The following VWA8 variants were observed in gnomAD, a reference collection of about 807,000 sequenced individuals.
The protein encoded by VWA8 is von Willebrand factor A domain-containing protein 8.
A neutral mutation model predicts 241.5 loss-of-function variants in VWA8; 221 were observed. That is an observed-to-expected ratio of 0.91 (90% CI 0.82 to 1.02). The LOEUF (loss-of-function observed/expected upper bound fraction) is 1.02. Among genes scored for constraint, VWA8 ranks in the 50% least tolerant of loss-of-function variants. VWA8 has a pLI of 0.00. For synonymous variants in VWA8, 852 were observed against 827.1 expected (o/e 1.03, Z -0.52); for missense variants, 2,322 against 2,328.7 (o/e 1.00, Z 0.06).
chr13:41,954,169 C>G (rs1440089074), intron 1 of VWA8, among the ~76,000 whole-genome samples: 1 of 152,030 alleles, frequency 6.6e-6, no homozygotes, highest in African/African-American at 2.4e-5. Context: ...TGTCCCAACT[C>G]TGACCTCTAT....
intron 12 of VWA8, among the ~76,000 whole-genome samples, chr13:41,863,002 C>T (rs148979441): frequency 0.044 from 6,670 of 152,194 alleles, 220 homozygotes; most frequent in Non-Finnish European, 0.06. Context: ...TGAGTGTCAA[C>T]TTGATTAGAT....
chr13:41,883,539 C>G (rs775093317), intron 8 of VWA8, 48 bp from the exon 9 acceptor site: 1 of 1,370,340 alleles, frequency 7.3e-7, no homozygotes, highest in African/African-American at 1.4e-5. Context: ...TCAAAATAAT[C>G]ACAGAAAACA....
chr13:41,673,607 T>C (rs1421017647), intron 36 of VWA8, among the ~76,000 whole-genome samples: 1 of 152,210 alleles, frequency 6.6e-6, no homozygotes, highest in Non-Finnish European at 1.5e-5. Context: ...TGTAAAATAT[T>C]TCATTAAAAA....
At chr13:41,765,077 G>T (rs539880735) in intron 20 of VWA8, among the ~76,000 whole-genome samples, 1 of 152,062 alleles carries the variant, frequency 6.6e-6, no homozygotes, top group South Asian at 2.1e-4. Context: ...ATGAGGGCCT[G>T]GAGTTAAGGA....
At chr13:41,911,209 G>A (rs191987125) in intron 3 of VWA8, among the ~76,000 whole-genome samples, 19 of 151,918 alleles carry the variant, frequency 1.3e-4, no homozygotes, top group African/African-American at 3.6e-4. Flanking sequence ...GATCACAGGC[G>A]CCTAGCACCA....
At chr13:41,715,121 T>C (rs1042424744) in intron 26 of VWA8, among the ~76,000 whole-genome samples, 5 of 151,912 alleles carry the variant, frequency 3.3e-5, no homozygotes. Context: ...TAATATTATA[T>C]ATATGCCATA....
intron 41 of VWA8, among the ~76,000 whole-genome samples, chr13:41,589,686 T>C (rs2044442085): frequency 6.6e-6 from 1 of 152,200 alleles, no homozygotes; most frequent in Non-Finnish European, 1.5e-5. Context: ...GGCCCTTCCC[T>C]GAGTTTTCAT....
chr13:41,807,992 C>T (rs1870292719), intron 17 of VWA8: 2 of 152,036 alleles, frequency 1.3e-5, no homozygotes, highest in Admixed American at 1.3e-4. Flanking sequence ...GATACATAGA[C>T]TGAAAATAAA....
chr13:41,679,440 C>A (rs1364273974), intron 35 of VWA8, among the ~76,000 whole-genome samples: 1 of 152,160 alleles, frequency 6.6e-6, no homozygotes, highest in East Asian at 1.9e-4. Context: ...GTGATGTGTG[C>A]CCCCAAACTG....
At chr13:41,605,109 T>C in intron 40 of VWA8, 59 bp downstream of exon 40, 1 of 1,539,092 alleles carries the variant, frequency 6.5e-7, no homozygotes, top group Non-Finnish European at 8.9e-7. Flanking sequence ...TCCAAGACTT[T>C]AGGAATGTGT....
chr13:41,916,358 G>T (rs1464649750), intron 2 of VWA8, among the ~76,000 whole-genome samples: 1 of 152,164 alleles, frequency 6.6e-6, no homozygotes, highest in Non-Finnish European at 1.5e-5. Flanking sequence ...CCCTCCAAAA[G>T]CTTTTCAACA....
chr13:41,739,865 T>TG (rs1214141776), intron 21 of VWA8, among the ~76,000 whole-genome samples: 1 of 132,706 alleles, frequency 7.5e-6, no homozygotes, highest in African/African-American at 2.9e-5. Context: ...TTGTTTTTTT[T>TG]TTTTTTTGAG....
At chr13:41,798,139 C>A (rs1156365169) in intron 17 of VWA8, among the ~76,000 whole-genome samples, 1 of 152,142 alleles carries the variant, frequency 6.6e-6, no homozygotes, top group Non-Finnish European at 1.5e-5. Context: ...CCTAAGAATG[C>A]ATTAATCTCT....
intron 19 of VWA8, among the ~76,000 whole-genome samples, 154 bp downstream of exon 19, chr13:41,783,641 A>G (rs1869001164): frequency 7.6e-6 from 1 of 131,296 alleles, no homozygotes; most frequent in African/African-American, 3.0e-5. Context: ...GCATCACAGA[A>G]AAAAAAAAAA....
At chr13:41,769,940 T>G (rs925634216) in intron 20 of VWA8, among the ~76,000 whole-genome samples, 3 of 152,148 alleles carry the variant, frequency 2.0e-5, no homozygotes, top group Admixed American at 6.5e-5. Context: ...AAAAGACGAT[T>G]GAATCAACAT....
chr13:41,636,535 A>G (rs2044757871), intron 37 of VWA8, among the ~76,000 whole-genome samples: 1 of 152,256 alleles, frequency 6.6e-6, no homozygotes. Context: ...TTCATGTCTA[A>G]AACACCAAAA....
At chr13:41,881,275 C>CCCT (rs1321295034) in intron 9 of VWA8, among the ~76,000 whole-genome samples, 2 of 147,296 alleles carry the variant, frequency 1.4e-5, no homozygotes, top group East Asian at 4.1e-4. Context: ...CTTCTGCATT[C>CCCT]CCTGACCTAA....
intron 12 of VWA8, among the ~76,000 whole-genome samples, chr13:41,860,273 A>G (rs1872948198): frequency 6.6e-6 from 1 of 152,232 alleles, no homozygotes; most frequent in Admixed American, 6.5e-5. Context: ...AAAGAAAAGG[A>G]GTTTTCAGAA....
rs2045180682 is a variant in VWA8 at position 41,691,898 on chromosome 13, C to T, written c.3716G>A (p.Trp1239Ter). ...CCCTTTTTCTTTGTAGAACACCAGC[C>T]AGTTTTTGTGTGAAAATTCTTTACA... ...KMCKEFSHKN[W>*]LVFYKEKGNS... Residue 1239 changes from tryptophan (W) to a stop codon, truncating the protein, a stop_gained, in exon 31 of 45, where the codon TGG becomes TAG. Coordinates refer to ENST00000379310, the MANE Select transcript of VWA8 (RefSeq NM_015058.2). LOFTEE classifies it high-confidence loss of function. 1 of 1,610,658 alleles carries T rather than the reference C, an allele frequency of 6.2e-7. No individual in the cohort carries two copies. Among genetic ancestry groups the T allele is most frequent in the Non-Finnish European group, 8.5e-7 (1 of 1,177,532 alleles).
Sources: gnomAD v4.1 joint callset for allele counts (sites outside exome capture counted in the v4.1 genomes callset) on GRCh38, gnomAD v4.1.1 for gene constraint, MANE v1.5 for transcripts, NCBI Gene and HGNC (gene_info 2026-07-23, HGNC 2026-07-21) for gene names.